The following ZFPM2 variants were observed in gnomAD, a reference collection of about 807,000 sequenced individuals.
ZFPM2 encodes the protein zinc finger protein ZFPM2.
In ZFPM2, 20 loss-of-function variants were observed where a neutral mutation model predicts 98.6. The ratio of observed to expected loss-of-function variants is 0.20; its 90% CI spans 0.14 to 0.29. The LOEUF is 0.29. Ranked by LOEUF, ZFPM2 falls within the 10% of genes least tolerant of loss-of-function variation. The probability of loss-of-function intolerance (pLI) is 1.00; values close to 1 mark genes in which losing one functional copy is unlikely to be tolerated. For synonymous variants in ZFPM2, 518 were observed against 502.7 expected (o/e 1.03, Z -0.41); for missense variants, 1,310 against 1,388.6 (o/e 0.94, Z 0.90).
intron 3 of ZFPM2, among the ~76,000 whole-genome samples, chr8:105,549,326 C>A (rs1814787725): frequency 6.6e-6 from 1 of 152,146 alleles, no homozygotes; most frequent in African/African-American, 2.4e-5. Flanking sequence ...ATGTATTTTA[C>A]AAGTTGGTTA....
chr8:105,712,763 T>G (rs1346983158), intron 5 of ZFPM2, among the ~76,000 whole-genome samples: 2 of 152,076 alleles, frequency 1.3e-5, no homozygotes, highest in Non-Finnish European at 2.9e-5. Context: ...CATGTCCAAG[T>G]GTATTCAGGG....
intron 4 of ZFPM2, among the ~76,000 whole-genome samples, chr8:105,631,055 T>G (rs1199756054): frequency 6.6e-6 from 1 of 152,192 alleles, no homozygotes; most frequent in Non-Finnish European, 1.5e-5. Flanking sequence ...GCATTTGACC[T>G]AAGGGATATT....
intron 5 of ZFPM2, among the ~76,000 whole-genome samples, chr8:105,752,064 T>A (rs1286492030): frequency 6.6e-6 from 1 of 152,138 alleles, no homozygotes; most frequent in Non-Finnish European, 1.5e-5. Context: ...GTCACAGTTT[T>A]TACATTATAA....
rs1438278015 is a variant in ZFPM2, at chr8:105,330,567, T to TATAC, written c.40+11587_40+11588insTACA. ...ATATATATATACATATATATATATATACATATATATATACATATATATATA... is the reference window on the plus strand; with the variant it reads ...ATATATATATACATATATATATATATATACACATATATATATACATATATATATA... On this transcript the variant is annotated intron_variant, in intron 1 of 7. Transcript: ENST00000407775. Among the ~76,000 whole-genome samples the TATAC allele has an allele frequency of 1.3e-3, 93 of 71,984 alleles. 2 individuals carry two copies. The highest frequency in any genetic ancestry group is 8.3e-3 in the East Asian group (23 of 2,784). The allele number at this position is 71,984 out of a possible 152,430, so 47.2% of individuals were successfully genotyped here. A position where few individuals can be genotyped will look rare whatever the true frequency, so the allele number is the denominator to read the frequency against.
chr8:105,708,321 T>C (rs2130970330), intron 5 of ZFPM2, among the ~76,000 whole-genome samples: 1 of 152,322 alleles, frequency 6.6e-6, no homozygotes, highest in African/African-American at 2.4e-5. Flanking sequence ...TAAAGATATC[T>C]AATTGTGTAT....
intron 5 of ZFPM2, among the ~76,000 whole-genome samples, chr8:105,731,309 T>C (rs1419310341): frequency 6.6e-6 from 1 of 151,526 alleles, no homozygotes; most frequent in African/African-American, 2.4e-5. Context: ...TGTACCATAC[T>C]ATACAGTTTC....
At chr8:105,560,344 T>C (rs565441058) in intron 3 of ZFPM2, among the ~76,000 whole-genome samples, 1 of 152,198 alleles carries the variant, frequency 6.6e-6, no homozygotes, top group African/African-American at 2.4e-5. Flanking sequence ...CATTCCTTCA[T>C]ATTCTCATGT....
At chr8:105,605,846 T>C (rs974332989) in intron 4 of ZFPM2, among the ~76,000 whole-genome samples, 1 of 152,090 alleles carries the variant, frequency 6.6e-6, no homozygotes, top group Non-Finnish European at 1.5e-5. Flanking sequence ...TTTCTGGGCA[T>C]TTTTCTTGGC....
rs1563575997 is a variant in ZFPM2 at position 105,803,864 on chromosome 8, C to T, written c.*326C>T. On this transcript the variant is annotated 3_prime_UTR_variant, in exon 8 of 8. Coordinates refer to ENST00000407775, the MANE Select transcript of ZFPM2 (RefSeq NM_012082.4). ...ACATATGGTTTGCACTGTATAGTAG[C>T]TTTTAAAGAAAATAGTCACAATACA... is the stretch of plus-strand genomic sequence containing the variant. 1 of 193,934 alleles carries T rather than the reference C, an allele frequency of 5.2e-6. No homozygotes were observed. The highest frequency in any genetic ancestry group is 1.2e-4 in the East Asian group (1 of 8,246). 12.0% of individuals were successfully genotyped at this position (193,934 alleles called of 1,614,324 possible). A position where few individuals can be genotyped will look rare whatever the true frequency, so the allele number is the denominator to read the frequency against.
chr8:105,752,325 C>T (rs1812496777), intron 5 of ZFPM2, among the ~76,000 whole-genome samples: 1 of 152,022 alleles, frequency 6.6e-6, no homozygotes, highest in Non-Finnish European at 1.5e-5. Context: ...TTCTGTGTTC[C>T]GTCGTCAAGA....
chr8:105,379,498 A>T (rs2129859162), intron 1 of ZFPM2, among the ~76,000 whole-genome samples: 1 of 152,312 alleles, frequency 6.6e-6, no homozygotes, highest in South Asian at 2.1e-4. Context: ...TCACGCCTGT[A>T]ATCCCAGCAC....
chr8:105,415,454 T>C (rs1307735187), intron 1 of ZFPM2, among the ~76,000 whole-genome samples: 4 of 152,034 alleles, frequency 2.6e-5, no homozygotes, highest in Non-Finnish European at 5.9e-5. Flanking sequence ...GAAGTAATTT[T>C]CTCCATGAGG....
chr8:105,370,986 A>C (rs1284178980), intron 1 of ZFPM2, among the ~76,000 whole-genome samples: 18 of 152,160 alleles, frequency 1.2e-4, no homozygotes, highest in Non-Finnish European at 2.5e-4. Flanking sequence ...TGCTAGACGC[A>C]TCTTTAAAAT....
intron 3 of ZFPM2, among the ~76,000 whole-genome samples, chr8:105,516,630 G>A (rs1177893900): frequency 6.6e-6 from 1 of 152,128 alleles, no homozygotes; most frequent in Non-Finnish European, 1.5e-5. Context: ...GTATTCGGAT[G>A]TTTATAATGA....
At chr8:105,389,195 A>G (rs943905499) in intron 1 of ZFPM2, among the ~76,000 whole-genome samples, 1 of 152,112 alleles carries the variant, frequency 6.6e-6, no homozygotes, top group African/African-American at 2.4e-5. Context: ...ACCATAGGAC[A>G]CTCAGACATG....
chr8:105,525,395 G>A (rs1330928903), intron 3 of ZFPM2, among the ~76,000 whole-genome samples: 2 of 152,180 alleles, frequency 1.3e-5, no homozygotes, highest in African/African-American at 4.8e-5. Flanking sequence ...GATGATAAAG[G>A]TGAGGGGGCT....
intron 4 of ZFPM2, among the ~76,000 whole-genome samples, chr8:105,607,778 C>G (rs905546205): frequency 1.3e-5 from 2 of 152,038 alleles, no homozygotes; most frequent in African/African-American, 4.8e-5. Flanking sequence ...ATCCCAAACT[C>G]TAAATTAATT....
chr8:105,489,467 T>TA (rs372429625), intron 3 of ZFPM2, among the ~76,000 whole-genome samples: 38,737 of 85,410 alleles, frequency 0.45, 5,472 homozygotes, highest in East Asian at 0.53. Context: ...TATATATATA[T>TA]TTTTTTTTTT....
intron 4 of ZFPM2, among the ~76,000 whole-genome samples, chr8:105,581,900 G>A (rs145339555): frequency 5.5e-4 from 84 of 152,222 alleles, no homozygotes; most frequent in African/African-American, 1.7e-3. Context: ...CCATCACATC[G>A]TTGTGGGGAA....
Sources: gnomAD v4.1 joint callset for allele counts (sites outside exome capture counted in the v4.1 genomes callset) on GRCh38, gnomAD v4.1.1 for gene constraint, MANE v1.5 for transcripts, NCBI Gene and HGNC (gene_info 2026-07-23, HGNC 2026-07-21) for gene names.